LRP1B: variants seen among roughly 807,000 people sequenced by gnomAD.
LRP1B encodes the protein low-density lipoprotein receptor-related protein 1B.
Under a neutral mutation model 556.6 loss-of-function variants are expected in LRP1B, and 217 were observed. The observed-to-expected ratio is 0.39, with a 90% CI of 0.35 to 0.44. The LOEUF (loss-of-function observed/expected upper bound fraction) is 0.44. Among genes scored for constraint, LRP1B ranks in the 20% least tolerant of loss-of-function variants. The probability of loss-of-function intolerance (pLI) is 1.00; values close to 1 mark genes in which losing one functional copy is unlikely to be tolerated. For missense variants in LRP1B, 5,053 were observed against 5,620.8 expected, an observed-to-expected ratio of 0.90 and a Z score of 3.23; for synonymous variants, 2,047 against 1,865.8, an observed-to-expected ratio of 1.10 and a Z score of -2.50.
intron 1 of LRP1B, among the ~76,000 whole-genome samples, chr2:141,927,538 T>C (rs1700367461): frequency 6.6e-6 from 1 of 152,154 alleles, no homozygotes; most frequent in South Asian, 2.1e-4. Context: ...TAAGTACCTG[T>C]AGGCATATCC....
rs1690423326 is a variant in LRP1B, at chr2:140,526,139, C to A, written c.7876+98G>T. On this transcript the variant is annotated intron_variant, in intron 48 of 90. Transcript: ENST00000389484. ...CCACACAACAGGGGTTAATTACATA[C>A]CAATTTTGGACAAAGTTCAGTAAAA... 17 of 1,378,682 alleles carry A rather than the reference C, an allele frequency of 1.2e-5. No individual in the cohort carries two copies. In the South Asian group the frequency reaches 2.1e-4, roughly 17 times the overall value. 85.4% of individuals were successfully genotyped at this position (1,378,682 alleles called of 1,614,324 possible).
At chr2:141,416,648 T>C (rs11679354) in intron 3 of LRP1B, among the ~76,000 whole-genome samples, 21,863 of 151,908 alleles carry the variant, frequency 0.14, 1,788 homozygotes, top group South Asian at 0.27. Flanking sequence ...AGAGATGGGT[T>C]TTCACCATGT....
At chr2:141,969,910 G>C (rs1327894238) in intron 1 of LRP1B, among the ~76,000 whole-genome samples, 3 of 151,308 alleles carry the variant, frequency 2.0e-5, no homozygotes, top group Non-Finnish European at 4.4e-5. Context: ...GAAATACAAG[G>C]GCTCTTTTTT....
chr2:141,743,477 T>A (rs1445322377), intron 2 of LRP1B, among the ~76,000 whole-genome samples: 1 of 138,550 alleles, frequency 7.2e-6, no homozygotes, highest in Non-Finnish European at 1.5e-5. Context: ...TTCTCTCCTC[T>A]GCTTTTTTCT....
intron 18 of LRP1B, among the ~76,000 whole-genome samples, chr2:140,961,029 C>G (rs1696018447): frequency 6.6e-6 from 1 of 151,164 alleles, no homozygotes; most frequent in Non-Finnish European, 1.5e-5. Context: ...CAATTAACTA[C>G]TCAAACACTG....
At chr2:141,864,125 T>C (rs749032944) in intron 1 of LRP1B, among the ~76,000 whole-genome samples, 6 of 151,986 alleles carry the variant, frequency 3.9e-5, no homozygotes, top group Non-Finnish European at 8.8e-5. Flanking sequence ...CAATACAGCA[T>C]AAAAAAAATC....
intron 1 of LRP1B, among the ~76,000 whole-genome samples, chr2:142,083,983 CTT>C (rs113213864): frequency 1.2e-4 from 17 of 141,624 alleles, no homozygotes; most frequent in Non-Finnish European, 1.2e-4. Context: ...TTCTCTATGC[CTT>C]TTTTTTTTTT....
At chr2:141,411,108 T>C (rs1690835069) in intron 3 of LRP1B, among the ~76,000 whole-genome samples, 1 of 152,086 alleles carries the variant, frequency 6.6e-6, no homozygotes, top group African/African-American at 2.4e-5. Flanking sequence ...TATAAATCAT[T>C]GAACCTTAGA....
chr2:140,408,660 C>G (rs1573903679), intron 66 of LRP1B, among the ~76,000 whole-genome samples: 1 of 151,898 alleles, frequency 6.6e-6, no homozygotes, highest in East Asian at 1.9e-4. Context: ...AGTTACACTA[C>G]TATCTGAGGG....
chr2:141,642,195 T>C (rs1004811501), intron 2 of LRP1B, among the ~76,000 whole-genome samples: 1 of 152,126 alleles, frequency 6.6e-6, no homozygotes, highest in Admixed American at 6.5e-5. Flanking sequence ...ATAGGGAGTC[T>C]TAAAAATGTG....
At chr2:140,378,332 G>T in intron 67 of LRP1B, 46 bp from the exon 68 acceptor site, 1 of 1,039,174 alleles carries the variant, frequency 9.6e-7, no homozygotes, top group Non-Finnish European at 1.5e-6. Context: ...ATATGTAAGT[G>T]CATTGTAAAA....
In LRP1B at chr2:141,387,367, G is replaced by GA. The variant is rs1449976628; in HGVS notation, c.343+93028dup. The stretch of plus-strand genomic sequence containing the variant: ...ATGACAGAACATATAGGAAAATAAG[G>GA]AAAACCAATGAAATCAAAATTTGCT... On this transcript the variant is annotated intron_variant, in intron 3 of 90. Coordinates refer to ENST00000389484, the MANE Select transcript of LRP1B (RefSeq NM_018557.3). Among the ~76,000 whole-genome samples the GA allele has an allele frequency of 2.6e-5, 4 of 151,898 alleles. No individual in the cohort carries two copies. In the South Asian group the frequency reaches 8.3e-4, roughly 32 times the overall value.
chr2:142,082,197 T>C (rs1001644126), intron 1 of LRP1B, among the ~76,000 whole-genome samples: 1 of 152,204 alleles, frequency 6.6e-6, no homozygotes, highest in Non-Finnish European at 1.5e-5. Flanking sequence ...TTATTAGTAC[T>C]AAAATTTCTC....
chr2:140,346,603 T>C (rs2105107483), intron 77 of LRP1B, among the ~76,000 whole-genome samples: 1 of 152,048 alleles, frequency 6.6e-6, no homozygotes, highest in East Asian at 1.9e-4. Context: ...AGTACCCAAA[T>C]GTTCTGAAAT....
rs748306358 is a variant in LRP1B at position 140,700,528 on chromosome 2, T to C, written c.6521A>G (p.Tyr2174Cys). 35 of 1,613,414 alleles carry C rather than the reference T, an allele frequency of 2.2e-5. No homozygotes were observed. The Admixed American group carries it at 5.7e-4, about 26-fold the overall frequency. ...GCAAGTAACTCCATCTTCTGCCAAA[T>C]ATCCATGGGCACAAGCACAAGTTCT... ...SRRTCACAHGYLAEDGVTCLR... is the reference protein window; with the variant it reads ...SRRTCACAHGCLAEDGVTCLR... Residue 2174 changes from tyrosine to cysteine, a missense_variant, in exon 41 of 91, where the codon TAT (tyrosine) becomes TGT (cysteine). By Grantham distance (194) the Tyr-to-Cys change is radical (BLOSUM62 -2). Coordinates refer to ENST00000389484, the MANE Select transcript of LRP1B (RefSeq NM_018557.3).
intron 1 of LRP1B, among the ~76,000 whole-genome samples, chr2:141,864,884 A>AAAACAAAC (rs151234395): frequency 7.5e-4 from 113 of 151,218 alleles, no homozygotes; most frequent in Non-Finnish European, 1.4e-3. Flanking sequence ...TCTGTCTCAA[A>AAAACAAAC]AAACAAACAA....
At chr2:140,406,226 G>A (rs1308133044) in intron 66 of LRP1B, among the ~76,000 whole-genome samples, 1 of 152,076 alleles carries the variant, frequency 6.6e-6, no homozygotes, top group Non-Finnish European at 1.5e-5. Context: ...CAAACCCACA[G>A]CCACCATCAT....
rs112992302 is a variant in LRP1B at position 140,484,737 on chromosome 2, G to A, written c.9425+606C>T. On this transcript the variant is annotated intron_variant, in intron 59 of 90. Coordinates refer to ENST00000389484, the MANE Select transcript of LRP1B (RefSeq NM_018557.3). ...ACACCAGACAGCTTTGACACCTTCA[G>A]ATGTGTTCATCCCTCATTTGAAATC... is the stretch of plus-strand genomic sequence containing the variant. 4.9e-4 allele frequency among the ~76,000 whole-genome samples: 75 copies of A among 152,284 alleles called. 1 individual carries two copies. Among genetic ancestry groups the A allele is most frequent in the African/African-American group, 1.7e-3 (71 of 41,564 alleles).
chr2:140,927,387 G>A (rs1694916631), intron 20 of LRP1B, among the ~76,000 whole-genome samples: 3 of 152,246 alleles, frequency 2.0e-5, no homozygotes, highest in South Asian at 4.1e-4. Flanking sequence ...CACATGATAA[G>A]TAGCAGAGAT....
Sources: allele counts gnomAD v4.1 joint callset (sites outside exome capture counted in the v4.1 genomes callset), GRCh38; gene constraint gnomAD v4.1.1; transcripts MANE v1.5; gene names NCBI Gene and HGNC (gene_info 2026-07-23, HGNC 2026-07-21).